MPZL1: variants seen among roughly 807,000 people sequenced by gnomAD.
MPZL1 encodes the protein myelin protein zero-like protein 1.
A neutral mutation model predicts 29.3 loss-of-function variants in MPZL1; 16 were observed. The observed-to-expected ratio is 0.55, with a 90% confidence interval of 0.37 to 0.83. The LOEUF (loss-of-function observed/expected upper bound fraction) is 0.83. Ranked by LOEUF, MPZL1 falls within the 40% of genes least tolerant of loss-of-function variation. MPZL1 has a pLI of 0.00. For missense variants in MPZL1, 279 were observed against 332.9 expected, an observed-to-expected ratio of 0.84 and a Z score of 1.26; for synonymous variants, 143 against 132.0, an observed-to-expected ratio of 1.08 and a Z score of -0.57.
intron 5 of MPZL1, among the ~76,000 whole-genome samples, chr1:167,776,837 G>T (rs1461862677): frequency 1.3e-5 from 2 of 152,204 alleles, no homozygotes; most frequent in African/African-American, 4.8e-5. Flanking sequence ...TAGAAAGCAT[G>T]CTAAAGAATT....
At chr1:167,746,154 C>G (rs1243080187) in intron 1 of MPZL1, among the ~76,000 whole-genome samples, 1 of 151,914 alleles carries the variant, frequency 6.6e-6, no homozygotes, top group Non-Finnish European at 1.5e-5. Context: ...CTTGGAGTTG[C>G]CTTGAAGGAA....
Position 167,737,340 on chromosome 1 carries a change from A to T in MPZL1, c.91+15098A>T, listed in dbSNP as rs74120650. On this transcript the variant is annotated intron_variant, in intron 1 of 5. Coordinates refer to ENST00000359523, the MANE Select transcript of MPZL1 (RefSeq NM_003953.6). ...GAACTTAAGATCTTAAGAGCAGGGT[A>T]GTAATCAGTCCTCAACTTTGTACTG... Among the ~76,000 whole-genome samples the T allele has an allele frequency of 6.1e-3, 929 of 152,338 alleles. 1 individual carries two copies. Among genetic ancestry groups the T allele is most frequent in the Admixed American group, 7.2e-3 (111 of 15,312 alleles).
At chr1:167,753,710 A>G (rs1352199439) in intron 1 of MPZL1, among the ~76,000 whole-genome samples, 1 of 151,092 alleles carries the variant, frequency 6.6e-6, no homozygotes, top group Non-Finnish European at 1.5e-5. Context: ...GCTCACTGCA[A>G]CCTCCGCCTC....
chr1:167,741,031 T>G (rs989613324), intron 1 of MPZL1, among the ~76,000 whole-genome samples: 1 of 152,178 alleles, frequency 6.6e-6, no homozygotes, highest in Non-Finnish European at 1.5e-5. Flanking sequence ...CTTTGGTTTT[T>G]GTTTTGAGAC....
intron 1 of MPZL1, chr1:167,765,353 A>C (rs1242907961): frequency 1.1e-5 from 3 of 267,340 alleles, no homozygotes; most frequent in African/African-American, 4.4e-5. Context: ...CAGACTAATA[A>C]AAATATCTTA....
At chr1:167,728,165 G>A (rs1477544800) in intron 1 of MPZL1, among the ~76,000 whole-genome samples, 1 of 150,638 alleles carries the variant, frequency 6.6e-6, no homozygotes, top group African/African-American at 2.4e-5. Flanking sequence ...TCAGCCTGCC[G>A]AGTAGCTGGG....
chr1:167,772,868 A>G (rs890656347), intron 3 of MPZL1, among the ~76,000 whole-genome samples: 4 of 152,238 alleles, frequency 2.6e-5, no homozygotes, highest in Non-Finnish European at 4.4e-5. Context: ...CAACAACAGC[A>G]CAGTTATTTC....
intron 1 of MPZL1, among the ~76,000 whole-genome samples, chr1:167,757,402 T>C (rs1348158000): frequency 1.3e-5 from 2 of 152,236 alleles, no homozygotes; most frequent in Non-Finnish European, 2.9e-5. Flanking sequence ...TCTGTCTTTT[T>C]AAAAATTTTT....
intron 1 of MPZL1, among the ~76,000 whole-genome samples, chr1:167,760,791 G>A (rs890266985): frequency 2.0e-5 from 3 of 148,446 alleles, no homozygotes; most frequent in African/African-American, 7.7e-5. Context: ...GTGTGTGTGT[G>A]TGTACAGGTG....
chr1:167,726,043 T>G (rs1660138123), intron 1 of MPZL1, among the ~76,000 whole-genome samples: 1 of 152,260 alleles, frequency 6.6e-6, no homozygotes, highest in Non-Finnish European at 1.5e-5. Context: ...TGGAATGAAA[T>G]CTAAACTTCC....
In MPZL1 at chr1:167,789,740, T is replaced by G. The variant is rs1661669260; in HGVS notation, c.*1819T>G. 1 of 152,296 alleles carries G rather than the reference T, an allele frequency of 6.6e-6. No individual in the cohort carries two copies. Among genetic ancestry groups the G allele is most frequent in the Non-Finnish European group, 1.5e-5 (1 of 68,128 alleles). The allele number at this position is 152,296 out of a possible 1,614,324, so 9.4% of individuals were successfully genotyped here. A position where few individuals can be genotyped will look rare whatever the true frequency, so the allele number is the denominator to read the frequency against. ...TGGGCAGCGTCTGCTCTGTGTTCTG[T>G]GTGGAATGGAGAAAAAAACGCCTGC... On this transcript the variant is annotated 3_prime_UTR_variant, in exon 6 of 6. Transcript: ENST00000359523.
rs769581254 is a variant in MPZL1 at position 167,772,380 on chromosome 1, A to C, written c.364A>C (p.Ile122Leu). Residue 122 changes from isoleucine (I) to leucine (L), a missense_variant, in exon 3 of 6, where the codon ATA (isoleucine) becomes CTA (leucine). Transcript: ENST00000359523. ...DLDKKDASIN[I>L]ENMQFIHNGT... ...TGACAAGAAAGATGCATCAATCAAC[A>C]TAGAAAATATGCAGTTTATACACAA... The C allele has an allele frequency of 1.2e-6, 2 of 1,613,956 alleles. No homozygotes were observed. The highest frequency in any genetic ancestry group is 8.5e-7 in the Non-Finnish European group (1 of 1,179,826).
At chr1:167,739,294 T>TATATAC (rs1553254304) in intron 1 of MPZL1, among the ~76,000 whole-genome samples, 4 of 112,582 alleles carry the variant, frequency 3.6e-5, no homozygotes, top group African/African-American at 2.0e-4. Flanking sequence ...TATATATATA[T>TATATAC]ATATATATAT....
chr1:167,770,109 G>A (rs149331619), intron 2 of MPZL1, among the ~76,000 whole-genome samples: 1 of 152,280 alleles, frequency 6.6e-6, no homozygotes, highest in Non-Finnish European at 1.5e-5. Flanking sequence ...TAGAGCTTAG[G>A]GGACGCTATT....
chr1:167,754,256 C>T (rs973276164), intron 1 of MPZL1, among the ~76,000 whole-genome samples: 2 of 152,142 alleles, frequency 1.3e-5, no homozygotes, highest in Non-Finnish European at 2.9e-5. Flanking sequence ...ACCTCAGCCT[C>T]CCAAAGTGCT....
intron 1 of MPZL1, among the ~76,000 whole-genome samples, chr1:167,723,514 G>C (rs1006573901): frequency 6.6e-6 from 1 of 152,244 alleles, no homozygotes; most frequent in Non-Finnish European, 1.5e-5. Flanking sequence ...TTTGTTGGTG[G>C]TGGTATTTGT....
Position 167,787,804 on chromosome 1 carries a change from T to C in MPZL1, c.709-16T>C, listed in dbSNP as rs751448628. On this transcript the variant is annotated splice_polypyrimidine_tract_variant and intron_variant, in intron 5 of 5. Coordinates refer to ENST00000359523, the MANE Select transcript of MPZL1 (RefSeq NM_003953.6). The stretch of plus-strand genomic sequence containing the variant: ...AGCGTTTTCAGTCCTCTAATCCTTC[T>C]GCTTCCCTTTTCCAGGGCCCAGTCA... The C allele has an allele frequency of 6.3e-7, 1 of 1,588,318 alleles. No homozygotes were observed. Among genetic ancestry groups the C allele is most frequent in the South Asian group, 1.1e-5 (1 of 90,490 alleles).
At chr1:167,762,386 G>A (rs1317275004) in intron 1 of MPZL1, among the ~76,000 whole-genome samples, 1 of 152,168 alleles carries the variant, frequency 6.6e-6, no homozygotes, top group Non-Finnish European at 1.5e-5. Context: ...CTGCGAATTG[G>A]GCAGCCTTCT....
chr1:167,737,918 T>G (rs899488363), intron 1 of MPZL1, among the ~76,000 whole-genome samples: 1 of 138,072 alleles, frequency 7.2e-6, no homozygotes, highest in Non-Finnish European at 1.6e-5. Flanking sequence ...CTTGTGTTTT[T>G]TTGTTTGTTT....
Sources: gnomAD v4.1 joint callset for allele counts (sites outside exome capture counted in the v4.1 genomes callset) on GRCh38, gnomAD v4.1.1 for gene constraint, MANE v1.5 for transcripts, NCBI Gene and HGNC (gene_info 2026-07-23, HGNC 2026-07-21) for gene names.